Variants in HCRTR2 observed in about 807,000 individuals in gnomAD.
The protein encoded by HCRTR2 is hypocretin receptor 2.
HCRTR2 carries 22 observed loss-of-function variants against 49.0 expected under a neutral mutation model. That is an observed-to-expected ratio of 0.45 (90% confidence interval 0.32 to 0.64). The LOEUF (loss-of-function observed/expected upper bound fraction) is 0.64, where lower values mean the gene tolerates loss of function less well. HCRTR2 is among the 30% of genes least tolerant of loss of function. HCRTR2 has a pLI of 0.04. For missense variants in HCRTR2, 491 were observed against 559.4 expected (o/e 0.88, Z 1.23); for synonymous variants, 236 against 205.3 (o/e 1.15, Z -1.28).
At chr6:55,263,929 T>C (rs535220749) in intron 4 of HCRTR2, 107 bp downstream of exon 4, 6 of 730,626 alleles carry the variant, frequency 8.2e-6, no homozygotes, top group South Asian at 4.5e-5. Context: ...GATGCACTTA[T>C]AAACAAAATT....
rs559801729 is a variant in HCRTR2, at chr6:55,121,923, T to C, written c.-378+15378T>C. 3.2e-4 allele frequency among the ~76,000 whole-genome samples: 45 copies of C among 141,702 alleles called. No individual in the cohort carries two copies. In the East Asian group the frequency reaches 6.9e-3, roughly 22 times the overall value. The allele number at this position is 141,702 out of a possible 152,430, so 93.0% of individuals were successfully genotyped here. On this transcript the variant is annotated intron_variant, in intron 1 of 7. Coordinates refer to the HCRTR2 transcript ENST00000615358. Reference sequence around the variant, plus strand: ...TCAGGGATATTGTTCTAAAATTCTCTTTTTTGTTGTTGTGTCTCTGCCAAG... The same window carrying C: ...TCAGGGATATTGTTCTAAAATTCTCCTTTTTGTTGTTGTGTCTCTGCCAAG...
chr6:55,161,744 A>G (rs2127262656), intron 1 of HCRTR2, among the ~76,000 whole-genome samples: 1 of 152,304 alleles, frequency 6.6e-6, no homozygotes, highest in Middle Eastern at 3.4e-3. Context: ...AGAAATGGAT[A>G]AATTCCTGGA....
chr6:55,121,829 T>C (rs1169171259), intron 1 of HCRTR2, among the ~76,000 whole-genome samples: 1 of 152,192 alleles, frequency 6.6e-6, no homozygotes, highest in African/African-American at 2.4e-5. Flanking sequence ...TCATGCTGGA[T>C]AAGCTTTTTG....
intron 1 of HCRTR2, among the ~76,000 whole-genome samples, chr6:55,144,437 T>G (rs972243884): frequency 2.6e-5 from 4 of 152,150 alleles, no homozygotes; most frequent in African/African-American, 9.7e-5. Context: ...CTCTGTCTTC[T>G]GCAGACTCAT....
At chr6:55,274,219 G>A (rs1172175815) in intron 4 of HCRTR2, among the ~76,000 whole-genome samples, 2 of 99,686 alleles carry the variant, frequency 2.0e-5, no homozygotes, top group East Asian at 5.9e-4. Context: ...TTATCTCTCT[G>A]CAATGTTTCA....
At chr6:55,208,303 C>G (rs995339094) in intron 1 of HCRTR2, among the ~76,000 whole-genome samples, 6 of 142,522 alleles carry the variant, frequency 4.2e-5, no homozygotes, top group African/African-American at 7.8e-5. Context: ...CGGTGAAAAA[C>G]AGTCTCTACG....
At chr6:55,142,734 C>T (rs1764524930) in intron 1 of HCRTR2, among the ~76,000 whole-genome samples, 2 of 151,836 alleles carry the variant, frequency 1.3e-5, no homozygotes, top group Admixed American at 6.6e-5. Context: ...AAAATGCACA[C>T]ACCGAGATTT....
chr6:55,106,747 CAT>C (rs1763980593), intron 1 of HCRTR2, among the ~76,000 whole-genome samples: 2 of 152,080 alleles, frequency 1.3e-5, no homozygotes, highest in Non-Finnish European at 2.9e-5. Flanking sequence ...TTTTCTCAGA[CAT>C]CATCATGGTA....
chr6:55,110,590 C>T (rs774024497), intron 1 of HCRTR2, among the ~76,000 whole-genome samples: 8 of 150,464 alleles, frequency 5.3e-5, no homozygotes, highest in Admixed American at 6.7e-5. Context: ...TTATATTAGA[C>T]AAAACAAACT....
Position 55,174,825 on chromosome 6 carries a change from G to T in HCRTR2, c.223+15G>T. 1 of 1,607,340 alleles carries T rather than the reference G, an allele frequency of 6.2e-7. No homozygotes were observed. Among genetic ancestry groups the T allele is most frequent in the Non-Finnish European group, 8.5e-7 (1 of 1,174,048 alleles). ...GAACGTCCTGGGTGAGTCTCCTCCC[G>T]GGCAGCCCTCCTAGGGGCTATCACC... On this transcript the variant is annotated intron_variant, in intron 1 of 6. Coordinates refer to ENST00000370862, the MANE Select transcript of HCRTR2 (RefSeq NM_001384272.1).
In HCRTR2 at chr6:55,249,300, T is replaced by G. The variant is rs1409242141; in HGVS notation, c.402+483T>G. On this transcript the variant is annotated intron_variant, in intron 2 of 6. Transcript: ENST00000370862. Reference sequence around the variant, plus strand: ...TGAGCATATTTGTTTTTACAAGTGATTTTATTTTATACTGAAGAATTAAGA... The same window carrying G: ...TGAGCATATTTGTTTTTACAAGTGAGTTTATTTTATACTGAAGAATTAAGA... 2.6e-5 allele frequency among the ~76,000 whole-genome samples: 4 copies of G among 152,142 alleles called. No individual in the cohort carries two copies. The East Asian group carries it at 7.7e-4, about 29-fold the overall frequency.
chr6:55,262,740 A>ATATC (rs1491253420), intron 3 of HCRTR2, among the ~76,000 whole-genome samples: 6 of 114,106 alleles, frequency 5.3e-5, no homozygotes, highest in African/African-American at 1.1e-4. Context: ...AAGGTAGGGA[A>ATATC]TATATATATA....
At chr6:55,174,175 T>G, upstream of HCRTR2, 4 of 206,014 alleles carry the variant, frequency 1.9e-5, no homozygotes, top group South Asian at 2.2e-4. Context: ...AAAAACAGAT[T>G]AAATTAGTTT....
At chr6:55,199,534 T>G in intron 1 of HCRTR2, among the ~76,000 whole-genome samples, 1 of 152,186 alleles carries the variant, frequency 6.6e-6, no homozygotes, top group Non-Finnish European at 1.5e-5. Flanking sequence ...AGAGTATACA[T>G]GTTCAAATTA....
chr6:55,139,442 C>T (rs1397530511), intron 1 of HCRTR2, among the ~76,000 whole-genome samples: 1 of 151,662 alleles, frequency 6.6e-6, no homozygotes, highest in Non-Finnish European at 1.5e-5. Context: ...GATTGATATA[C>T]TAAATTAACT....
chr6:55,136,487 TA>T (rs1764435695), intron 1 of HCRTR2, among the ~76,000 whole-genome samples: 1 of 152,130 alleles, frequency 6.6e-6, no homozygotes, highest in African/African-American at 2.4e-5. Flanking sequence ...TACAAAAGAA[TA>T]AAAAATATGT....
intron 1 of HCRTR2, among the ~76,000 whole-genome samples, chr6:55,140,819 G>A (rs1764496031): frequency 6.6e-6 from 1 of 152,110 alleles, no homozygotes; most frequent in African/African-American, 2.4e-5. Context: ...AAAAGTGTTA[G>A]TATAATCTTG....
intron 1 of HCRTR2, among the ~76,000 whole-genome samples, chr6:55,178,799 A>G (rs1765083668): frequency 6.6e-6 from 1 of 152,218 alleles, no homozygotes; most frequent in African/African-American, 2.4e-5. Flanking sequence ...TCTTGCCTTT[A>G]AATGAAAGCC....
At chr6:55,265,917 T>C (rs1447864960) in intron 4 of HCRTR2, among the ~76,000 whole-genome samples, 1 of 152,156 alleles carries the variant, frequency 6.6e-6, no homozygotes, top group Non-Finnish European at 1.5e-5. Flanking sequence ...TCGTGGGTTC[T>C]CAGTTTCTAT....
Sources: allele counts gnomAD v4.1 joint callset (sites outside exome capture counted in the v4.1 genomes callset), GRCh38; gene constraint gnomAD v4.1.1; transcripts MANE v1.5; gene names NCBI Gene and HGNC (gene_info 2026-07-23, HGNC 2026-07-21).